Variants in LRRIQ1 observed in about 807,000 individuals in gnomAD.
LRRIQ1 encodes leucine-rich repeat- and IQ domain-containing protein 1.
LRRIQ1 carries 210 observed loss-of-function variants against 211.9 expected under a neutral mutation model. The observed-to-expected ratio is 0.99, with a 90% CI of 0.89 to 1.11. The LOEUF is 1.11. Among genes scored for constraint, LRRIQ1 ranks in the 50% most tolerant of loss-of-function variants. The pLI is 0.00. For missense variants in LRRIQ1, 2,136 were observed against 1,939.5 expected (o/e 1.10, Z -1.90); for synonymous variants, 699 against 650.1 (o/e 1.08, Z -1.14).
At chr12:85,063,765 T>G (rs982237329) in intron 8 of LRRIQ1, among the ~76,000 whole-genome samples, 1 of 151,870 alleles carries the variant, frequency 6.6e-6, no homozygotes, top group South Asian at 2.1e-4. Context: ...TTATTTTTAG[T>G]TCCCACAAAT....
chr12:85,180,844 AATATGG>A lies in LRRIQ1; in HGVS notation c.4822+20131_4822+20136del, dbSNP rs754395957. On this transcript the variant is annotated intron_variant, in intron 24 of 26. Transcript: ENST00000393217. Reference sequence around the variant, plus strand: ...TACATTTTGAAATATTACATTTTAAAATATGGTGTGTTTGTGTGTGTGTGTGTTGGG... The same window carrying A: ...TACATTTTGAAATATTACATTTTAAATGTGTTTGTGTGTGTGTGTGTTGGG... Among the ~76,000 whole-genome samples, 34 of 151,774 alleles carry A rather than the reference AATATGG, an allele frequency of 2.2e-4. 1 individual carries two copies. The highest frequency in any genetic ancestry group is 4.9e-4 in the Non-Finnish European group (33 of 67,794).
intron 24 of LRRIQ1, among the ~76,000 whole-genome samples, chr12:85,161,933 G>A (rs1455337130): frequency 1.3e-5 from 2 of 151,870 alleles, no homozygotes; most frequent in East Asian, 1.9e-4. Flanking sequence ...CCAGCTACTC[G>A]GAGGCTGAGG....
chr12:85,110,021 T>C (rs1276214713), intron 15 of LRRIQ1, among the ~76,000 whole-genome samples: 1 of 152,098 alleles, frequency 6.6e-6, no homozygotes, highest in African/African-American at 2.4e-5. Context: ...GATAGTCTCA[T>C]GGGGTGGTTA....
chr12:85,044,951 G>A (rs987538097), intron 4 of LRRIQ1, 142 bp downstream of exon 4: 36 of 413,836 alleles, frequency 8.7e-5, no homozygotes, highest in Middle Eastern at 6.5e-4. Flanking sequence ...ATCATCTGTG[G>A]TTTTATGGTT....
At chr12:85,111,619 T>C (rs1025428432) in intron 15 of LRRIQ1, among the ~76,000 whole-genome samples, 4 of 152,118 alleles carry the variant, frequency 2.6e-5, no homozygotes, top group Admixed American at 1.3e-4. Context: ...CTATTGTTTT[T>C]AGTGAGCAAT....
At chr12:85,090,673 A>G (rs1885291592) in intron 11 of LRRIQ1, among the ~76,000 whole-genome samples, 1 of 152,208 alleles carries the variant, frequency 6.6e-6, no homozygotes, top group South Asian at 2.1e-4. Context: ...CAGTTCTGAT[A>G]CTTTCATTGT....
At chr12:85,247,977 A>T (rs1895780280), downstream of LRRIQ1, among the ~76,000 whole-genome samples, 1 of 151,714 alleles carries the variant, frequency 6.6e-6, no homozygotes. Context: ...TTACAAAGTT[A>T]TGAAAGAGAT....
intron 10 of LRRIQ1, among the ~76,000 whole-genome samples, chr12:85,071,518 A>G (rs1417627562): frequency 1.3e-5 from 2 of 152,024 alleles, no homozygotes; most frequent in Non-Finnish European, 2.9e-5. Flanking sequence ...TTGATCAGAT[A>G]TATCTTCAGG....
chr12:85,138,528 T>C (rs1565862519), intron 19 of LRRIQ1, among the ~76,000 whole-genome samples: 1 of 151,530 alleles, frequency 6.6e-6, no homozygotes, highest in Non-Finnish European at 1.5e-5. Context: ...AGAGGTGATA[T>C]TGTGTTCTTC....
At chr12:85,128,728 T>G (rs773174087) in intron 18 of LRRIQ1, among the ~76,000 whole-genome samples, 15 of 152,342 alleles carry the variant, frequency 9.8e-5, no homozygotes, top group Admixed American at 3.3e-4. Context: ...CCAAAATAAT[T>G]GTTAAAGTTT....
chr12:85,165,848 G>A (rs1592912262), intron 24 of LRRIQ1, among the ~76,000 whole-genome samples: 2 of 152,020 alleles, frequency 1.3e-5, no homozygotes, highest in Admixed American at 1.3e-4. Context: ...CACTGCTGAC[G>A]AGCACCTAGG....
At chr12:85,213,139 A>G (rs531177221) in intron 24 of LRRIQ1, among the ~76,000 whole-genome samples, 117 of 151,962 alleles carry the variant, frequency 7.7e-4, no homozygotes, top group African/African-American at 2.6e-3. Flanking sequence ...CAAAAGCAAA[A>G]AGATAGAAAA....
At position 85,137,979 on chromosome 12, in the gene LRRIQ1, A is replaced by T. The variant is rs754163507; in HGVS notation, c.4329+10A>T. 2 of 1,317,278 alleles carry T rather than the reference A, an allele frequency of 1.5e-6. No homozygotes were observed. Among genetic ancestry groups the T allele is most frequent in the Non-Finnish European group, 2.1e-6 (2 of 938,128 alleles). The allele number at this position is 1,317,278 out of a possible 1,614,324, so 81.6% of individuals were successfully genotyped here. ...TTTTATATTTGATGAAGTAAGTACG[A>T]ACTATAGTATATAAATATTGGTCTT... On this transcript the variant is annotated intron_variant, in intron 19 of 26. Transcript: ENST00000393217.
At chr12:85,139,234 C>A (rs375743165) in intron 19 of LRRIQ1, among the ~76,000 whole-genome samples, 107 of 151,534 alleles carry the variant, frequency 7.1e-4, no homozygotes, top group African/African-American at 2.5e-3. Context: ...TAGGAAAGAT[C>A]TTTTCAGCAC....
Position 85,124,338 on chromosome 12 carries a change from C to G in LRRIQ1, c.3826C>G (p.Pro1276Ala), listed in dbSNP as rs1565850833. ...GATGGACTCTGTCTCCAGCCACTCCCCATTAAGCAAATCCGCCACATGTGA... is the reference window on the plus strand; with the variant it reads ...GATGGACTCTGTCTCCAGCCACTCCGCATTAAGCAAATCCGCCACATGTGA... ...KWMDSVSSHS[P>A]LSKSATCENM... Residue 1276 changes from proline (P) to alanine (A), a missense_variant, in exon 17 of 27, where the codon CCA becomes GCA. By Grantham distance (27) the Pro-to-Ala change is conservative (BLOSUM62 -1). Transcript: ENST00000393217. The G allele has an allele frequency of 1.9e-6, 3 of 1,614,016 alleles. No homozygotes were observed. Among genetic ancestry groups the G allele is most frequent in the East Asian group, 2.2e-5 (1 of 44,852 alleles).
intron 18 of LRRIQ1, 38 bp from the exon 19 acceptor site, chr12:85,137,812 C>A: frequency 6.5e-7 from 1 of 1,536,580 alleles, no homozygotes; most frequent in South Asian, 1.3e-5. Context: ...AGGGTTTGAT[C>A]TATAACTTTG....
chr12:85,063,468 A>C (rs928960643), intron 8 of LRRIQ1, among the ~76,000 whole-genome samples: 1 of 151,726 alleles, frequency 6.6e-6, no homozygotes, highest in African/African-American at 2.4e-5. Context: ...TCAGGCATAC[A>C]ATGCATAATA....
intron 24 of LRRIQ1, among the ~76,000 whole-genome samples, chr12:85,200,969 G>C (rs980651876): frequency 6.7e-6 from 1 of 150,142 alleles, no homozygotes; most frequent in Non-Finnish European, 1.5e-5. Flanking sequence ...GCAGGTGCAC[G>C]CCACCATTCC....
intron 24 of LRRIQ1, among the ~76,000 whole-genome samples, chr12:85,212,776 T>TCA (rs1413192024): frequency 6.9e-6 from 1 of 145,762 alleles, no homozygotes; most frequent in Non-Finnish European, 1.5e-5. Context: ...AATATATATT[T>TCA]TATATATATA....
Sources: allele counts gnomAD v4.1 joint callset (sites outside exome capture counted in the v4.1 genomes callset), GRCh38; gene constraint gnomAD v4.1.1; transcripts MANE v1.5; gene names NCBI Gene and HGNC (gene_info 2026-07-23, HGNC 2026-07-21).